Variants in NLRP8 observed in about 807,000 individuals in gnomAD.
NLRP8 encodes the protein NLR family pyrin domain containing 8.
NLRP8 carries 86 observed loss-of-function variants against 88.7 expected under a neutral mutation model. That is an observed-to-expected ratio of 0.97 (90% CI 0.81 to 1.16). NLRP8 has a LOEUF of 1.16. Among genes scored for constraint, NLRP8 ranks in the 50% most tolerant of loss-of-function variants. NLRP8 has a pLI of 0.00. For synonymous variants in NLRP8, 504 were observed against 494.6 expected (o/e 1.02, Z -0.25); for missense variants, 1,342 against 1,286.5 (o/e 1.04, Z -0.66).
chr19:55,986,594 C>A (rs16986856), intron 9 of NLRP8, among the ~76,000 whole-genome samples: 56,312 of 152,034 alleles, frequency 0.37, 10,642 homozygotes, highest in Admixed American at 0.39. Flanking sequence ...CAGCCTCTTG[C>A]CAGCAGCAGC....
chr19:55,962,302 C>T (rs1979650207), intron 4 of NLRP8, 65 bp downstream of exon 4: 17 of 1,500,326 alleles, frequency 1.1e-5, no homozygotes, highest in Non-Finnish European at 1.5e-5. Context: ...CATCCACTTT[C>T]TTCATTCCCT....
rs148725771 is a variant in NLRP8, at chr19:55,983,797, G to C, written c.3048-4017G>C. On this transcript the variant is annotated intron_variant, in intron 9 of 9. Coordinates refer to ENST00000291971, the MANE Select transcript of NLRP8 (RefSeq NM_176811.2). ...GTTGGCAGGAACTATTTCAGATTCA[G>C]GAAGACCAACCTAGTAGATGCAAAA... is the stretch of plus-strand genomic sequence containing the variant. 4.4e-3 allele frequency among the ~76,000 whole-genome samples: 489 copies of C among 111,958 alleles called. 2 individuals carry two copies. Among genetic ancestry groups the C allele is most frequent in the Middle Eastern group, 0.016 (2 of 126 alleles). 73.4% of individuals were successfully genotyped at this position (111,958 alleles called of 152,430 possible).
intron 9 of NLRP8, among the ~76,000 whole-genome samples, chr19:55,982,720 T>C (rs1261463613): frequency 1.3e-5 from 2 of 151,918 alleles, no homozygotes; most frequent in Admixed American, 6.6e-5. Flanking sequence ...AGGTGGAGAG[T>C]TGCTTGAGCC....
rs765211383 is a variant in NLRP8 at position 55,962,082 on chromosome 19, T to G, written c.2058T>G (p.Asn686Lys). The change falls in exon 4 of 10, where the codon AAT (asparagine) becomes AAG (lysine). Residue 686 changes from asparagine to lysine, a missense_variant. Physicochemically the swap from Asn to Lys is moderately conservative, Grantham distance 94. Coordinates refer to ENST00000291971, the MANE Select transcript of NLRP8 (RefSeq NM_176811.2). ...TTCCATGTAGAGCGCCAGAGAGCAA[T>G]GGGCTGCATCGTTGGTGGCAAGACT... 1 of 1,614,052 alleles carries G rather than the reference T, an allele frequency of 6.2e-7. No individual in the cohort carries two copies. Among genetic ancestry groups the G allele is most frequent in the Non-Finnish European group, 8.5e-7 (1 of 1,179,970 alleles).
At position 55,973,712 on chromosome 19, in the gene NLRP8, G is replaced by C. The variant is rs746747671; in HGVS notation, c.2595G>C (p.Gln865His). ...AAAGCCTTGCCTCCTGTCTCAGGCA[G>C]AGTAAGATGCTGACCCACCTGAGCT... is the stretch of plus-strand genomic sequence containing the variant. Residue 865 changes from glutamine to histidine, a missense_variant, in exon 7 of 10, where the codon CAG becomes CAC. Transcript: ENST00000291971. 1 of 1,614,006 alleles carries C rather than the reference G, an allele frequency of 6.2e-7. No individual in the cohort carries two copies. The highest frequency in any genetic ancestry group is 1.7e-5 in the Admixed American group (1 of 60,018).
intron 1 of NLRP8, among the ~76,000 whole-genome samples, chr19:55,951,934 T>G (rs1341252235): frequency 6.6e-6 from 1 of 152,152 alleles, no homozygotes; most frequent in East Asian, 1.9e-4. Context: ...ATTTTTTTAG[T>G]AGAGTTGAGG....
intron 8 of NLRP8, among the ~76,000 whole-genome samples, chr19:55,978,534 C>T (rs1011972807): frequency 6.6e-6 from 1 of 152,102 alleles, no homozygotes; most frequent in African/African-American, 2.4e-5. Flanking sequence ...TGTATACTGG[C>T]TCAGATCTCT....
Position 55,975,831 on chromosome 19 carries a change from G to A in NLRP8, c.2706-302G>A, listed in dbSNP as rs182706476. 2.6e-5 allele frequency among the ~76,000 whole-genome samples: 4 copies of A among 152,208 alleles called. No individual in the cohort carries two copies. The East Asian group carries it at 7.7e-4, about 29-fold the overall frequency. ...AGTATCCAGGGTTTTCCTTAGGGGT[G>A]ACAAAAATATTCCAAACCGAACTTA... is the stretch of plus-strand genomic sequence containing the variant. On this transcript the variant is annotated intron_variant, in intron 7 of 9. Coordinates refer to ENST00000291971, the MANE Select transcript of NLRP8 (RefSeq NM_176811.2).
chr19:55,954,601 T>C lies in NLRP8; in HGVS notation c.543T>C (p.Gly181=). Residue 181 remains glycine (G), a synonymous_variant, in exon 3 of 10, where the codon GGT becomes GGC. Transcript: ENST00000291971. ...ACCAGAGGGACTTCTTCTACCAAGGTGTACACAGGCACGAGGAGTACTTAC... is the reference window on the plus strand; with the variant it reads ...ACCAGAGGGACTTCTTCTACCAAGGCGTACACAGGCACGAGGAGTACTTAC... 1 of 1,614,134 alleles carries C rather than the reference T, an allele frequency of 6.2e-7. No homozygotes were observed. The highest frequency in any genetic ancestry group is 1.7e-5 in the Admixed American group (1 of 60,008).
At chr19:55,964,743 C>A (rs1979763725) in intron 4 of NLRP8, among the ~76,000 whole-genome samples, 1 of 148,820 alleles carries the variant, frequency 6.7e-6, no homozygotes, top group Non-Finnish European at 1.5e-5. Context: ...CAAAGCAAGA[C>A]TCTGTCTCAA....
intron 9 of NLRP8, among the ~76,000 whole-genome samples, chr19:55,983,147 G>A (rs1281384997): frequency 6.6e-6 from 1 of 151,932 alleles, no homozygotes; most frequent in East Asian, 1.9e-4. Context: ...TGCAGCATAG[G>A]GCAATTGCAA....
chr19:55,950,457 G>T (rs1171493468), intron 1 of NLRP8, among the ~76,000 whole-genome samples: 1 of 151,640 alleles, frequency 6.6e-6, no homozygotes, highest in Admixed American at 6.6e-5. Flanking sequence ...AGAGACACAC[G>T]TACGCAGTTG....
chr19:55,973,964 G>A (rs1980196181), intron 7 of NLRP8, 142 bp downstream of exon 7: 2 of 711,978 alleles, frequency 2.8e-6, no homozygotes, highest in Admixed American at 3.3e-5. Context: ...GAGGGGAAAA[G>A]CACAATAAAG....
chr19:55,978,917 C>A (rs947902748), intron 8 of NLRP8, among the ~76,000 whole-genome samples: 5 of 151,974 alleles, frequency 3.3e-5, no homozygotes, highest in African/African-American at 1.2e-4. Context: ...GAGTGAGACT[C>A]AGTCTCCAAA....
At chr19:55,986,461 C>T (rs2093452557) in intron 9 of NLRP8, among the ~76,000 whole-genome samples, 1 of 63,534 alleles carries the variant, frequency 1.6e-5, no homozygotes, top group African/African-American at 6.1e-5. Flanking sequence ...CTCACACACA[C>T]ACTCTCTCAC....
Position 55,949,146 on chromosome 19 carries a change from A to G in NLRP8, c.367+877A>G, listed in dbSNP as rs150665550. 3.8e-3 allele frequency among the ~76,000 whole-genome samples: 574 copies of G among 152,324 alleles called. 2 individuals are homozygous for G. The highest frequency in any genetic ancestry group is 0.013 in the African/African-American group (543 of 41,582). On this transcript the variant is annotated intron_variant, in intron 1 of 9. Transcript: ENST00000291971. ...ACCACATTTACATACCGTTTATGAT[A>G]GTATAGTATTATAATTGTTCTATTT... is the stretch of plus-strand genomic sequence containing the variant.
rs200780192 is a variant in NLRP8 at position 55,952,521 on chromosome 19, C to T, written c.368-17C>T. 1 of 1,609,138 alleles carries T rather than the reference C, an allele frequency of 6.2e-7. No individual in the cohort carries two copies. Reference sequence around the variant, plus strand: ...TCTTATCATTCCCGTGGAACAGCCTCCTTTTTTCTGTTACAGCCATTCTGC... The same window carrying T: ...TCTTATCATTCCCGTGGAACAGCCTTCTTTTTTCTGTTACAGCCATTCTGC... On this transcript the variant is annotated splice_polypyrimidine_tract_variant and intron_variant, in intron 1 of 9. Coordinates refer to ENST00000291971, the MANE Select transcript of NLRP8 (RefSeq NM_176811.2).
In NLRP8 at chr19:55,982,096, G is replaced by C. The variant is rs1324093032; in HGVS notation, c.3047+2532G>C. Among the ~76,000 whole-genome samples the C allele has an allele frequency of 6.6e-5, 10 of 152,186 alleles. No homozygotes were observed. The East Asian group carries it at 1.9e-3, about 29-fold the overall frequency. On this transcript the variant is annotated intron_variant, in intron 9 of 9. Coordinates refer to ENST00000291971, the MANE Select transcript of NLRP8 (RefSeq NM_176811.2). ...TTTTTGTATTTTTAGCAGAGACAGG[G>C]TTTCACCACGTTGGCCAGGATGGTC...
Position 55,954,866 on chromosome 19 carries a change from C to G in NLRP8, c.808C>G (p.Leu270Val), listed in dbSNP as rs776731099. The G allele has an allele frequency of 6.2e-7, 1 of 1,614,182 alleles. No homozygotes were observed. Among genetic ancestry groups the G allele is most frequent in the Non-Finnish European group, 8.5e-7 (1 of 1,180,046 alleles). ...GCAAAAGTGGCCTGGATCTCAGGACCTCGTGTCAAAGATTATGTCCAAACC... is the reference window on the plus strand; with the variant it reads ...GCAAAAGTGGCCTGGATCTCAGGACGTCGTGTCAAAGATTATGTCCAAACC... Residue 270 changes from leucine (L) to valine (V), a missense_variant, in exon 3 of 10, where the codon CTC becomes GTC. By Grantham distance (32) the Leu-to-Val change is conservative (BLOSUM62 1). Coordinates refer to ENST00000291971, the MANE Select transcript of NLRP8 (RefSeq NM_176811.2).
Sources: allele counts gnomAD v4.1 joint callset (sites outside exome capture counted in the v4.1 genomes callset), GRCh38; gene constraint gnomAD v4.1.1; transcripts MANE v1.5; gene names NCBI Gene and HGNC (gene_info 2026-07-23, HGNC 2026-07-21).